PLD1: variants seen among roughly 807,000 people sequenced by gnomAD.
PLD1 encodes the protein choline phosphatase 1.
Under a neutral mutation model 137.1 loss-of-function variants are expected in PLD1, and 112 were observed. The ratio of observed to expected loss-of-function variants is 0.82; its 90% CI spans 0.70 to 0.96. PLD1 has a LOEUF of 0.96. Among genes scored for constraint, PLD1 ranks in the 40% least tolerant of loss-of-function variants. The pLI is 0.00. For synonymous variants in PLD1, 431 were observed against 454.7 expected, an observed-to-expected ratio of 0.95 and a Z score of 0.66; for missense variants, 1,321 against 1,342.0, an observed-to-expected ratio of 0.98 and a Z score of 0.24.
chr3:171,689,511 C>CTT (rs777051074), intron 13 of PLD1, among the ~76,000 whole-genome samples: 2 of 151,468 alleles, frequency 1.3e-5, no homozygotes, highest in Admixed American at 6.6e-5. Context: ...TCCTTCCTTC[C>CTT]TTTCTTTCTT....
intron 11 of PLD1, among the ~76,000 whole-genome samples, chr3:171,704,314 A>C (rs2108551884): frequency 6.6e-6 from 1 of 152,338 alleles, no homozygotes; most frequent in East Asian, 1.9e-4. Flanking sequence ...TGGAACTTTA[A>C]GCCTGAACTG....
chr3:171,743,884 C>A (rs754970659), intron 1 of PLD1, among the ~76,000 whole-genome samples: 2 of 152,096 alleles, frequency 1.3e-5, no homozygotes, highest in African/African-American at 4.8e-5. Context: ...CCACTCAATA[C>A]GTTTGTTGAT....
chr3:171,677,529 C>CA (rs1441405254), intron 17 of PLD1, 37 bp downstream of exon 17: 1 of 1,598,408 alleles, frequency 6.3e-7, no homozygotes, highest in Admixed American at 1.7e-5. Flanking sequence ...AGGTAAAAGA[C>CA]AAAATATAAC....
intron 23 of PLD1, among the ~76,000 whole-genome samples, chr3:171,636,172 C>CTGACATAT (rs1279097604): frequency 6.6e-6 from 1 of 151,704 alleles, no homozygotes; most frequent in African/African-American, 2.4e-5. Context: ...CAGTAGCACA[C>CTGACATAT]TATTATTGTG....
At chr3:171,755,741 T>A (rs1175943323) in intron 1 of PLD1, among the ~76,000 whole-genome samples, 1 of 152,186 alleles carries the variant, frequency 6.6e-6, no homozygotes, top group African/African-American at 2.4e-5. Flanking sequence ...AGAGGCCATC[T>A]CTGTATTGCC....
chr3:171,777,196 G>A (rs1722619901), intron 1 of PLD1, among the ~76,000 whole-genome samples: 1 of 152,190 alleles, frequency 6.6e-6, no homozygotes, highest in Non-Finnish European at 1.5e-5. Flanking sequence ...TAAGGAGCCA[G>A]AGTGAAAATT....
chr3:171,790,296 A>G (rs1371047137), intron 1 of PLD1, among the ~76,000 whole-genome samples: 1 of 152,004 alleles, frequency 6.6e-6, no homozygotes, highest in Non-Finnish European at 1.5e-5. Flanking sequence ...CCAGTCCCAC[A>G]ATTGAGGAAG....
At chr3:171,609,317 G>T (rs1189807719) in intron 25 of PLD1, among the ~76,000 whole-genome samples, 1 of 152,040 alleles carries the variant, frequency 6.6e-6, no homozygotes, top group African/African-American at 2.4e-5. Context: ...ACCTCTATAG[G>T]AGACAGTATG....
intron 1 of PLD1, chr3:171,771,297 C>G (rs934637869): frequency 6.6e-6 from 1 of 152,224 alleles, no homozygotes; most frequent in African/African-American, 2.4e-5. Context: ...GTGGCAAAAT[C>G]GACTACCCTG....
chr3:171,730,891 G>T (rs1159475943), intron 6 of PLD1, among the ~76,000 whole-genome samples: 3 of 152,130 alleles, frequency 2.0e-5, no homozygotes, highest in South Asian at 2.1e-4. Context: ...CACCTGCCTT[G>T]GCCTCCCAAA....
intron 22 of PLD1, chr3:171,643,098 G>A: frequency 1.5e-5 from 6 of 394,816 alleles, no homozygotes; most frequent in South Asian, 1.4e-4. Flanking sequence ...TTTTGAGGTA[G>A]GTAAATGGAA....
chr3:171,643,595 T>A (rs938523535), intron 22 of PLD1, among the ~76,000 whole-genome samples: 1 of 152,066 alleles, frequency 6.6e-6, no homozygotes, highest in Non-Finnish European at 1.5e-5. Flanking sequence ...AAAAGCCAAA[T>A]GTGTTATTTC....
rs112588789 is a variant in PLD1 at position 171,788,207 on chromosome 3, T to A, written c.-32+22192A>T. On this transcript the variant is annotated intron_variant, in intron 1 of 26. Transcript: ENST00000351298. The stretch of plus-strand genomic sequence containing the variant: ...AAAATCCATCTCAAAAAAAAAAAAA[T>A]AATAATAAATTAACTTTTGTGTTTG... 1.8e-3 allele frequency among the ~76,000 whole-genome samples: 260 copies of A among 147,090 alleles called. 2 individuals are homozygous for A. Among genetic ancestry groups the A allele is most frequent in the African/African-American group, 5.6e-3 (222 of 39,990 alleles).
intron 19 of PLD1, among the ~76,000 whole-genome samples, chr3:171,667,196 G>A (rs967057046): frequency 2.0e-5 from 3 of 152,180 alleles, no homozygotes; most frequent in African/African-American, 7.2e-5. Flanking sequence ...GAGGCCAACT[G>A]TGTAGAAGCT....
intron 18 of PLD1, among the ~76,000 whole-genome samples, chr3:171,674,979 C>CAAAAAAAAAAA (rs376402019): frequency 2.7e-4 from 20 of 74,740 alleles, no homozygotes; most frequent in East Asian, 9.4e-4. Flanking sequence ...ATCTCCATCT[C>CAAAAAAAAAAA]AAAAAAAAAA....
Position 171,603,319 on chromosome 3 carries a change from T to C in PLD1, c.3001-17A>G. Reference sequence around the variant, plus strand: ...CCGGAAAACCTGATTAGAGCATAAATAGAAAAATGAGTGAAAAGTTTAAAA... The same window carrying C: ...CCGGAAAACCTGATTAGAGCATAAACAGAAAAATGAGTGAAAAGTTTAAAA... On this transcript the variant is annotated splice_polypyrimidine_tract_variant and intron_variant, in intron 26 of 26. Coordinates refer to ENST00000351298, the MANE Select transcript of PLD1 (RefSeq NM_002662.5). The C allele has an allele frequency of 6.3e-7, 1 of 1,580,344 alleles. No homozygotes were observed. Among genetic ancestry groups the C allele is most frequent in the Admixed American group, 1.7e-5 (1 of 59,638 alleles).
At chr3:171,652,005 T>C (rs1216168429) in intron 21 of PLD1, among the ~76,000 whole-genome samples, 2 of 152,208 alleles carry the variant, frequency 1.3e-5, no homozygotes, top group Admixed American at 6.6e-5. Flanking sequence ...AAAGGTCTCC[T>C]GCCACGATCT....
intron 25 of PLD1, among the ~76,000 whole-genome samples, chr3:171,611,044 C>A (rs148403129): frequency 1.1e-4 from 17 of 152,288 alleles, no homozygotes; most frequent in African/African-American, 3.8e-4. Flanking sequence ...TGCAAGTGAG[C>A]CAGTTTCCAA....
intron 23 of PLD1, among the ~76,000 whole-genome samples, chr3:171,642,049 A>G (rs891301301): frequency 1.3e-5 from 2 of 152,168 alleles, no homozygotes; most frequent in Non-Finnish European, 2.9e-5. Flanking sequence ...AGAGATATAG[A>G]GCAATATTGA....
Sources: allele counts gnomAD v4.1 joint callset (sites outside exome capture counted in the v4.1 genomes callset), GRCh38; gene constraint gnomAD v4.1.1; transcripts MANE v1.5; gene names NCBI Gene and HGNC (gene_info 2026-07-23, HGNC 2026-07-21).